The following GPR19 variants were observed in gnomAD, a reference collection of about 807,000 sequenced individuals.
GPR19 encodes probable G protein-coupled receptor 19.
A neutral mutation model predicts 28.5 loss-of-function variants in GPR19; 14 were observed. That is an observed-to-expected ratio of 0.49 (90% CI 0.32 to 0.77). GPR19 has a LOEUF of 0.77. Ranked by LOEUF, GPR19 falls within the 30% of genes least tolerant of loss-of-function variation. The pLI is 0.03. For missense variants in GPR19, 409 were observed against 504.1 expected (o/e 0.81, Z 1.81); for synonymous variants, 173 against 184.1 (o/e 0.94, Z 0.49).
the GPR19 span, among the ~76,000 whole-genome samples, chr12:12,705,788 G>C: frequency 2.6e-5 from 4 of 152,138 alleles, no homozygotes; most frequent in African/African-American, 9.7e-5. Flanking sequence ...GGGCTCAAGT[G>C]ATTCTTCAGC....
intron 2 of GPR19, among the ~76,000 whole-genome samples, chr12:12,685,376 T>C (rs917214190): frequency 2.0e-5 from 3 of 150,148 alleles, no homozygotes; most frequent in African/African-American, 7.4e-5. Context: ...AATTCTGGGG[T>C]GTACAAGTCT....
chr12:12,682,850 T>TA (rs1212837823), intron 3 of GPR19, among the ~76,000 whole-genome samples: 5 of 152,162 alleles, frequency 3.3e-5, no homozygotes, highest in Non-Finnish European at 5.9e-5. Flanking sequence ...TTCTAGCAGT[T>TA]AAAAAAAGTT....
chr12:12,690,542 A>G (rs1330689136), intron 2 of GPR19, among the ~76,000 whole-genome samples: 1 of 152,214 alleles, frequency 6.6e-6, no homozygotes, highest in Non-Finnish European at 1.5e-5. Flanking sequence ...CACATGGTCT[A>G]CTGCCTCCAA....
the GPR19 span, among the ~76,000 whole-genome samples, chr12:12,701,366 A>G: frequency 1.3e-5 from 2 of 152,210 alleles, no homozygotes; most frequent in African/African-American, 4.8e-5. Context: ...TAATTTCTGA[A>G]TTATATTAAC....
intron 3 of GPR19, among the ~76,000 whole-genome samples, chr12:12,666,798 A>G (rs1945787276): frequency 6.6e-6 from 1 of 152,256 alleles, no homozygotes. Flanking sequence ...CACATAGAAA[A>G]TCACTATATA....
chr12:12,687,042 TAAAG>T (rs981059167), intron 2 of GPR19, among the ~76,000 whole-genome samples: 54 of 152,280 alleles, frequency 3.5e-4, no homozygotes, highest in African/African-American at 1.2e-3. Context: ...TGGAAGAAGA[TAAAG>T]AAACAGTTGT....
chr12:12,705,765 G>C, the GPR19 span, among the ~76,000 whole-genome samples: 1 of 152,198 alleles, frequency 6.6e-6, no homozygotes, highest in East Asian at 1.9e-4. Context: ...GCCCAGGCTG[G>C]TCTTGAACTC....
At chr12:12,701,098 T>A (rs1279793275), upstream of GPR19, among the ~76,000 whole-genome samples, 1 of 152,138 alleles carries the variant, frequency 6.6e-6, no homozygotes, top group Non-Finnish European at 1.5e-5. Flanking sequence ...ATCAATCAGT[T>A]TTCCCCCAAT....
chr12:12,674,362 C>T (rs1234898603), intron 3 of GPR19, among the ~76,000 whole-genome samples: 1 of 150,572 alleles, frequency 6.6e-6, no homozygotes, highest in Non-Finnish European at 1.5e-5. Flanking sequence ...ACTGCTTGAG[C>T]CTAGGAGGTT....
In GPR19 at chr12:12,661,677, G is replaced by A. The variant is rs747673161; in HGVS notation, c.772C>T (p.Arg258Ter). The A allele has an allele frequency of 1.5e-5, 25 of 1,613,784 alleles. No individual in the cohort carries two copies. Among genetic ancestry groups the A allele is most frequent in the Non-Finnish European group, 2.0e-5 (24 of 1,179,872 alleles). Residue 258 changes from arginine to a stop codon, truncating the protein, a stop_gained, in exon 4 of 4, where the codon CGA becomes TGA. Transcript: ENST00000651487. LOFTEE classifies it high-confidence loss of function. The surrounding 1 kb of genome is among the most constrained non-coding windows in gnomAD (Gnocchi z 4.2). ...ATGTTCATTGTCCTCCTCACCGTTC[G>A]GCCATCTGTGCCTATTCTCCAAATA... ...KYIWRIGTDGRTVRRTMNIVP... is the reference protein window; with the variant it reads ...KYIWRIGTDG
intron 3 of GPR19, among the ~76,000 whole-genome samples, chr12:12,675,212 A>G (rs1229727812): frequency 3.9e-5 from 6 of 152,208 alleles, no homozygotes; most frequent in Admixed American, 3.9e-4. Context: ...AAGAACCTAA[A>G]TCATCACGTG....
In GPR19 at chr12:12,670,433, C is replaced by G. The variant is rs1945840874; in HGVS notation, c.-22-7963G>C. Among the ~76,000 whole-genome samples the G allele has an allele frequency of 2.0e-5, 3 of 152,198 alleles. No homozygotes were observed. In the South Asian group the frequency reaches 6.2e-4, roughly 32 times the overall value. On this transcript the variant is annotated intron_variant, in intron 3 of 3. Transcript: ENST00000651487. ...AGTTGCATCCTATTCCTGTCACTCACTCACTAGCTGGGTGACCTTGGGCAA... is the reference window on the plus strand; with the variant it reads ...AGTTGCATCCTATTCCTGTCACTCAGTCACTAGCTGGGTGACCTTGGGCAA...
chr12:12,716,266 A>T, the GPR19 span, among the ~76,000 whole-genome samples: 1 of 151,954 alleles, frequency 6.6e-6, no homozygotes, highest in Admixed American at 6.6e-5. Flanking sequence ...CTGGAGTTTG[A>T]CCCCGAGGGG....
intron 3 of GPR19, among the ~76,000 whole-genome samples, chr12:12,670,119 A>C (rs1325750175): frequency 6.6e-6 from 1 of 152,236 alleles, no homozygotes; most frequent in Non-Finnish European, 1.5e-5. Flanking sequence ...TAACAGGAAA[A>C]TCAGAGAGGG....
chr12:12,682,950 AAAAT>A (rs1352781691), intron 3 of GPR19, among the ~76,000 whole-genome samples: 1 of 152,232 alleles, frequency 6.6e-6, no homozygotes, highest in Non-Finnish European at 1.5e-5. Context: ...ATCATTTTAA[AAAAT>A]AAATCCAGTC....
upstream of GPR19, among the ~76,000 whole-genome samples, chr12:12,700,860 T>G (rs192744207): frequency 1.8e-3 from 270 of 152,338 alleles, no homozygotes; most frequent in African/African-American, 5.8e-3. Flanking sequence ...TTATATTGAT[T>G]ACATGTTGAA....
intron 3 of GPR19, among the ~76,000 whole-genome samples, chr12:12,682,685 T>A (rs1028299249): frequency 6.6e-6 from 1 of 152,212 alleles, no homozygotes; most frequent in African/African-American, 2.4e-5. Context: ...CACAATTACG[T>A]CTTAAAGTAC....
the GPR19 span, among the ~76,000 whole-genome samples, chr12:12,715,436 C>T: frequency 1.3e-5 from 2 of 152,082 alleles, no homozygotes; most frequent in Admixed American, 6.5e-5. Flanking sequence ...CTGGGCACTG[C>T]CCCCTTTACT....
chr12:12,689,782 A>ATCAC (rs1351374775), intron 2 of GPR19, among the ~76,000 whole-genome samples: 1 of 152,204 alleles, frequency 6.6e-6, no homozygotes, highest in Admixed American at 6.5e-5. Flanking sequence ...GACAGAAGTG[A>ATCAC]TTCTGTGACA....
Sources: gnomAD v4.1 joint callset for allele counts (sites outside exome capture counted in the v4.1 genomes callset) on GRCh38, gnomAD v4.1.1 for gene constraint, Gnocchi (gnomAD v3.1) non-coding constraint, MANE v1.5 for transcripts, NCBI Gene and HGNC (gene_info 2026-07-23, HGNC 2026-07-21) for gene names.